The following WDR41 variants were observed in gnomAD, a reference collection of about 807,000 sequenced individuals.
WDR41 encodes the protein WD repeat-containing protein 41.
WDR41 carries 63 observed loss-of-function variants against 69.3 expected under a neutral mutation model. That is an observed-to-expected ratio of 0.91 (90% CI 0.74 to 1.12). The LOEUF (loss-of-function observed/expected upper bound fraction) is 1.12. Among genes scored for constraint, WDR41 ranks in the 50% most tolerant of loss-of-function variants. The pLI is 0.00. For synonymous variants in WDR41, 185 were observed against 192.1 expected, an observed-to-expected ratio of 0.96 and a Z score of 0.31; for missense variants, 543 against 534.5, an observed-to-expected ratio of 1.02 and a Z score of -0.16.
At chr5:77,448,187 C>T (rs1336916894) in intron 8 of WDR41, among the ~76,000 whole-genome samples, 1 of 152,008 alleles carries the variant, frequency 6.6e-6, no homozygotes, top group Admixed American at 6.5e-5. Flanking sequence ...TGTAATGGGC[C>T]GAATACTGCT....
intron 1 of WDR41, among the ~76,000 whole-genome samples, chr5:77,515,973 C>A (rs1375042581): frequency 6.6e-6 from 1 of 152,276 alleles, no homozygotes; most frequent in African/African-American, 2.4e-5. Flanking sequence ...CAATGAGTAT[C>A]TTTGTGCATG....
chr5:77,492,161 G>C lies in WDR41; in HGVS notation c.51+9C>G. On this transcript the variant is annotated intron_variant, in intron 1 of 12. Coordinates refer to ENST00000296679, the MANE Select transcript of WDR41 (RefSeq NM_018268.4). ...CGACGGACGCAGAGCAGACCCACCC[G>C]GGGTTTACCTCGGCCAGTCCCTGCG... 2 of 1,611,550 alleles carry C rather than the reference G, an allele frequency of 1.2e-6. No individual in the cohort carries two copies. Among genetic ancestry groups the C allele is most frequent in the Non-Finnish European group, 8.5e-7 (1 of 1,179,104 alleles).
chr5:77,505,267 C>T (rs186870046), intron 1 of WDR41, among the ~76,000 whole-genome samples: 64 of 152,082 alleles, frequency 4.2e-4, no homozygotes, highest in Non-Finnish European at 1.5e-4. Flanking sequence ...TGAGTGAACG[C>T]CCATTTACAA....
At chr5:77,565,258 C>T (rs1411277591) in intron 1 of WDR41, among the ~76,000 whole-genome samples, 8 of 152,182 alleles carry the variant, frequency 5.3e-5, no homozygotes, top group Non-Finnish European at 1.2e-4. Flanking sequence ...ACTTTCAACA[C>T]ATACAGTGCA....
chr5:77,440,945 G>C lies in WDR41; in HGVS notation c.750C>G (p.Ala250=). 1 of 1,614,070 alleles carries C rather than the reference G, an allele frequency of 6.2e-7. No individual in the cohort carries two copies. ...SHVGELIIWD[A]LDWTMQAYER... is the part of the protein sequence containing the mutation. Reference sequence around the variant, plus strand: ...CATAGGCCTGCATGGTCCAGTCCAGGGCATCCCAGATGATCAGCTCTCCGA... The same window carrying C: ...CATAGGCCTGCATGGTCCAGTCCAGCGCATCCCAGATGATCAGCTCTCCGA... Residue 250 remains alanine (A), a synonymous_variant, in exon 9 of 13, where the codon GCC becomes GCG. Transcript: ENST00000296679.
chr5:77,450,263 A>T (rs1799571871), intron 7 of WDR41, among the ~76,000 whole-genome samples: 1 of 152,232 alleles, frequency 6.6e-6, no homozygotes, highest in Admixed American at 6.5e-5. Flanking sequence ...TCATGTAAGC[A>T]TTGCGACAGA....
chr5:77,601,074 T>A (rs1744316712), intron 1 of WDR41, among the ~76,000 whole-genome samples: 1 of 151,896 alleles, frequency 6.6e-6, no homozygotes. Flanking sequence ...GTTCTGGAAG[T>A]TCATAAAGAT....
intron 1 of WDR41, among the ~76,000 whole-genome samples, chr5:77,512,034 G>A (rs1220424232): frequency 6.6e-6 from 1 of 152,144 alleles, no homozygotes; most frequent in Non-Finnish European, 1.5e-5. Context: ...TTCGTAGCCA[G>A]TATCTACAGA....
At chr5:77,436,030 T>C (rs1157834703) in intron 12 of WDR41, among the ~76,000 whole-genome samples, 1 of 152,210 alleles carries the variant, frequency 6.6e-6, no homozygotes, top group African/African-American at 2.4e-5. Flanking sequence ...TAAATAATGG[T>C]GATTAAGACC....
chr5:77,558,106 A>AC (rs1743445719), intron 1 of WDR41, among the ~76,000 whole-genome samples: 5 of 148,846 alleles, frequency 3.4e-5, no homozygotes, highest in Admixed American at 3.3e-4. Context: ...AAAAAAAAAA[A>AC]AAAAAAAAAA....
chr5:77,591,662 A>G (rs766409920), intron 1 of WDR41, among the ~76,000 whole-genome samples: 1 of 152,132 alleles, frequency 6.6e-6, no homozygotes, highest in Non-Finnish European at 1.5e-5. Flanking sequence ...CCCTTAAGTT[A>G]TACAGAAAAT....
rs76199584 is a variant in WDR41 at position 77,606,449 on chromosome 5, G to A, written c.42+14030C>T. On this transcript the variant is annotated intron_variant, in intron 1 of 5. Transcript: ENST00000509971. Reference sequence around the variant, plus strand: ...GAACACCATGCTAAATATCAGGAAAGATGGCCAACTCAAATGGATACAGGA... The same window carrying A: ...GAACACCATGCTAAATATCAGGAAAAATGGCCAACTCAAATGGATACAGGA... 9.0e-3 allele frequency among the ~76,000 whole-genome samples: 1,372 copies of A among 152,330 alleles called. 6 individuals are homozygous for A. Among genetic ancestry groups the A allele is most frequent in the Non-Finnish European group, 0.014 (983 of 68,036 alleles).
intron 2 of WDR41, among the ~76,000 whole-genome samples, chr5:77,474,436 CA>C (rs1800791606): frequency 6.6e-6 from 1 of 151,148 alleles, no homozygotes; most frequent in African/African-American, 2.4e-5. Flanking sequence ...TAAAGTATAA[CA>C]ACAAAAAAAA....
chr5:77,609,545 A>G (rs1477732302), intron 1 of WDR41, among the ~76,000 whole-genome samples: 2 of 152,238 alleles, frequency 1.3e-5, no homozygotes, highest in African/African-American at 4.8e-5. Flanking sequence ...CCAGGCAAAC[A>G]GGGTCTGGAG....
At chr5:77,561,282 A>G (rs1189430647) in intron 1 of WDR41, among the ~76,000 whole-genome samples, 2 of 152,184 alleles carry the variant, frequency 1.3e-5, no homozygotes, top group South Asian at 4.1e-4. Context: ...ATTTTTGCAT[A>G]TAAGTTTTTC....
chr5:77,434,550 C>T (rs1477316630), intron 12 of WDR41, among the ~76,000 whole-genome samples: 1 of 151,652 alleles, frequency 6.6e-6, no homozygotes, highest in East Asian at 2.0e-4. Flanking sequence ...ACTAAAAGTA[C>T]AAAAATTAGC....
intron 12 of WDR41, among the ~76,000 whole-genome samples, chr5:77,434,636 C>T (rs184995494): frequency 4.8e-4 from 73 of 151,214 alleles, no homozygotes; most frequent in African/African-American, 1.5e-3. Context: ...ACCTGGGAGG[C>T]GGAGAGTACA....
chr5:77,504,609 G>A (rs1156956924), intron 1 of WDR41, among the ~76,000 whole-genome samples: 37 of 152,168 alleles, frequency 2.4e-4, no homozygotes, highest in East Asian at 3.9e-4. Context: ...GACGAACATC[G>A]ATGCAAAAAT....
At chr5:77,475,745 ACT>A (rs1348633631) in intron 2 of WDR41, among the ~76,000 whole-genome samples, 4 of 152,172 alleles carry the variant, frequency 2.6e-5, no homozygotes, top group Non-Finnish European at 5.9e-5. Context: ...AAAACTGGAA[ACT>A]CTAAAAAGCA....
Sources: gnomAD v4.1 joint callset for allele counts (sites outside exome capture counted in the v4.1 genomes callset) on GRCh38, gnomAD v4.1.1 for gene constraint, MANE v1.5 for transcripts, NCBI Gene and HGNC (gene_info 2026-07-23, HGNC 2026-07-21) for gene names.